Variants in TBC1D30 observed in about 807,000 individuals in gnomAD.
TBC1D30 encodes TBC1 domain family, member 30.
Under a neutral mutation model 63.2 loss-of-function variants are expected in TBC1D30, and 31 were observed. That is an observed-to-expected ratio of 0.49 (90% confidence interval 0.37 to 0.66). TBC1D30 has a LOEUF of 0.66. TBC1D30 is among the 30% of genes least tolerant of loss of function. TBC1D30 has a pLI of 0.00. For missense variants in TBC1D30, 810 were observed against 953.6 expected, an observed-to-expected ratio of 0.85 and a Z score of 1.98; for synonymous variants, 307 against 361.5, an observed-to-expected ratio of 0.85 and a Z score of 1.71.
intron 2 of TBC1D30, among the ~76,000 whole-genome samples, chr12:64,812,863 C>T (rs761939217): frequency 1.1e-4 from 17 of 151,288 alleles, no homozygotes; most frequent in East Asian, 3.9e-4. Context: ...TTGTCTGCAT[C>T]GTAGCTCATT....
At chr12:64,869,383 T>G (rs1878474952) in intron 10 of TBC1D30, among the ~76,000 whole-genome samples, 1 of 152,224 alleles carries the variant, frequency 6.6e-6, no homozygotes, top group African/African-American at 2.4e-5. Flanking sequence ...TTTTAACCTT[T>G]TTAATGGCTG....
upstream of TBC1D30, among the ~76,000 whole-genome samples, chr12:64,820,766 A>T (rs2136344824): frequency 6.6e-6 from 1 of 152,320 alleles, no homozygotes; most frequent in South Asian, 2.1e-4. Flanking sequence ...GAAATAAAAA[A>T]CTGTGAGTCA....
At chr12:64,834,383 T>C (rs977832723) in intron 5 of TBC1D30, among the ~76,000 whole-genome samples, 3 of 151,268 alleles carry the variant, frequency 2.0e-5, no homozygotes, top group African/African-American at 7.3e-5. Context: ...AATTCAGAGC[T>C]CTCCCATTAT....
At chr12:64,844,146 TA>T (rs1876150517) in intron 8 of TBC1D30, among the ~76,000 whole-genome samples, 1 of 152,130 alleles carries the variant, frequency 6.6e-6, no homozygotes, top group Admixed American at 6.5e-5. Context: ...TTATTGAGGA[TA>T]AAAAAGATTA....
At chr12:64,781,237 G>T (rs1293663538) in exon 1 of TBC1D30, 1 of 1,155,656 alleles carries the variant, frequency 8.7e-7, no homozygotes, top group Non-Finnish European at 1.1e-6. Flanking sequence ...TGCAGGAGCT[G>T]CAGGAGCGAC....
chr12:64,864,201 G>T (rs1018719126), intron 8 of TBC1D30, among the ~76,000 whole-genome samples: 1 of 151,796 alleles, frequency 6.6e-6, no homozygotes, highest in Non-Finnish European at 1.5e-5. Flanking sequence ...GAGAAAACTT[G>T]TAGTCGATCA....
intron 1 of TBC1D30, among the ~76,000 whole-genome samples, chr12:64,764,213 T>C (rs187296154): frequency 6.6e-6 from 1 of 152,378 alleles, no homozygotes; most frequent in African/African-American, 2.4e-5. Context: ...GGTTATGTGT[T>C]TGACTTACCA....
intron 8 of TBC1D30, among the ~76,000 whole-genome samples, chr12:64,848,596 A>T (rs1876595221): frequency 6.6e-6 from 1 of 152,176 alleles, no homozygotes; most frequent in Admixed American, 6.5e-5. Context: ...CCTGCAAAGG[A>T]CATGAACTCA....
At chr12:64,874,864 G>A in intron 11 of TBC1D30, 137 bp from the exon 12 acceptor site, 1 of 763,756 alleles carries the variant, frequency 1.3e-6, no homozygotes, top group Non-Finnish European at 2.1e-6. Flanking sequence ...TCAGTCACAT[G>A]ACTCTGCCCC....
intron 8 of TBC1D30, among the ~76,000 whole-genome samples, chr12:64,858,978 A>G (rs1877548040): frequency 6.6e-6 from 1 of 151,936 alleles, no homozygotes; most frequent in African/African-American, 2.4e-5. Context: ...GAGGGAATTC[A>G]TGTCTGGTTT....
chr12:64,788,398 T>C (rs1871724421), intron 2 of TBC1D30, among the ~76,000 whole-genome samples: 1 of 152,228 alleles, frequency 6.6e-6, no homozygotes, highest in South Asian at 2.1e-4. Context: ...TCATTATTAT[T>C]GTTTGTACCA....
chr12:64,777,712 C>G (rs574962127), upstream of TBC1D30, among the ~76,000 whole-genome samples: 5 of 152,282 alleles, frequency 3.3e-5, no homozygotes, highest in South Asian at 8.3e-4. Flanking sequence ...AATGCTTTTC[C>G]CATTAAACTA....
At chr12:64,850,497 T>C (rs932846854) in intron 8 of TBC1D30, among the ~76,000 whole-genome samples, 15 of 152,248 alleles carry the variant, frequency 9.9e-5, no homozygotes, top group African/African-American at 3.6e-4. Context: ...CGGTGTTGAA[T>C]TTTGTCGAAG....
intron 1 of TBC1D30, among the ~76,000 whole-genome samples, chr12:64,768,101 C>T (rs1419632717): frequency 6.6e-6 from 1 of 151,754 alleles, no homozygotes; most frequent in African/African-American, 2.4e-5. Flanking sequence ...TCTGTGGGGT[C>T]CAGTGTGAAA....
intron 10 of TBC1D30, chr12:64,867,813 A>T (rs1878346843): frequency 2.0e-5 from 3 of 152,086 alleles, no homozygotes. Context: ...TCTTCCCCTT[A>T]GTCCATGGTT....
intron 1 of TBC1D30, among the ~76,000 whole-genome samples, chr12:64,764,988 C>T (rs1448575221): frequency 6.6e-6 from 1 of 152,178 alleles, no homozygotes; most frequent in African/African-American, 2.4e-5. Flanking sequence ...CTGGAAAGGT[C>T]GTGCCCTAAT....
chr12:64,798,914 G>A (rs1191825928), intron 2 of TBC1D30, among the ~76,000 whole-genome samples: 1 of 148,800 alleles, frequency 6.7e-6, no homozygotes, highest in African/African-American at 2.5e-5. Context: ...CCTGGTTCAC[G>A]CCACTCTCCT....
intron 2 of TBC1D30, among the ~76,000 whole-genome samples, chr12:64,791,135 A>G (rs1366768819): frequency 6.6e-6 from 1 of 152,266 alleles, no homozygotes; most frequent in African/African-American, 2.4e-5. Context: ...CTCATGTTAC[A>G]TCATGGATAA....
intron 2 of TBC1D30, among the ~76,000 whole-genome samples, chr12:64,816,354 G>A (rs775566323): frequency 1.3e-5 from 2 of 152,154 alleles, no homozygotes; most frequent in Non-Finnish European, 1.5e-5. Flanking sequence ...CTCTTTTTAA[G>A]TCAAGAGAGT....
Sources: allele counts gnomAD v4.1 joint callset (sites outside exome capture counted in the v4.1 genomes callset), GRCh38; gene constraint gnomAD v4.1.1; transcripts MANE v1.5; gene names NCBI Gene and HGNC (gene_info 2026-07-23, HGNC 2026-07-21).